The following CFAP54 variants were observed in gnomAD, a reference collection of about 807,000 sequenced individuals.
CFAP54 encodes cilia and flagella associated protein 54.
In CFAP54, 290 loss-of-function variants were observed where a neutral mutation model predicts 370.4. That is an observed-to-expected ratio of 0.78 (90% confidence interval 0.71 to 0.86). The LOEUF is 0.86. Among genes scored for constraint, CFAP54 ranks in the 40% least tolerant of loss-of-function variants. The pLI, the probability that CFAP54 is intolerant of heterozygous loss-of-function variation, is 0.00. For missense variants in CFAP54, 3,399 were observed against 3,528.7 expected (o/e 0.96, Z 0.93); for synonymous variants, 1,206 against 1,236.5 (o/e 0.98, Z 0.52).
chr12:96,678,332 C>T (rs1209219238), intron 39 of CFAP54, among the ~76,000 whole-genome samples: 1 of 152,122 alleles, frequency 6.6e-6, no homozygotes, highest in Non-Finnish European at 1.5e-5. Flanking sequence ...TTCACTGCAA[C>T]CTCCACCTCC....
chr12:96,604,966 G>A (rs1055965298), intron 26 of CFAP54, among the ~76,000 whole-genome samples: 8 of 152,268 alleles, frequency 5.3e-5, no homozygotes, highest in Admixed American at 5.2e-4. Flanking sequence ...GCTTTGGCTG[G>A]CCCTCCATGG....
chr12:96,620,169 A>G (rs1245289690), intron 26 of CFAP54, among the ~76,000 whole-genome samples: 1 of 152,158 alleles, frequency 6.6e-6, no homozygotes, highest in African/African-American at 2.4e-5. Context: ...GCAGCCACTC[A>G]TTATTGTTCA....
rs377405546 is a variant in CFAP54, at chr12:96,726,418, G to C, written c.6965+5853G>C. ...TTTAGTCTTGGGAGAGAGTATGTGT[G>C]GAGGAATTTATCCATTTCTTCTAGA... On this transcript the variant is annotated intron_variant, in intron 50 of 67. Transcript: ENST00000524981. 9.9e-5 allele frequency among the ~76,000 whole-genome samples: 15 copies of C among 152,178 alleles called. No homozygotes were observed. In the East Asian group the frequency reaches 2.9e-3, roughly 29 times the overall value.
At chr12:96,732,675 G>C (rs757400951) in intron 50 of CFAP54, among the ~76,000 whole-genome samples, 1 of 152,148 alleles carries the variant, frequency 6.6e-6, no homozygotes, top group South Asian at 2.1e-4. Context: ...ATTTTTAGAG[G>C]TATAAAGAGG....
In CFAP54 at chr12:96,521,889, T is replaced by C; in HGVS notation, c.975T>C (p.Asp325=). 1 of 1,531,222 alleles carries C rather than the reference T, an allele frequency of 6.5e-7. No homozygotes were observed. The highest frequency in any genetic ancestry group is 1.2e-5 in the South Asian group (1 of 83,766). The allele number at this position is 1,531,222 out of a possible 1,614,324, so 94.9% of individuals were successfully genotyped here. ...CTCGGCGTGCTTTGGCTAAAATTGATGAGTTAAGGCAACTGGAATTAATGA... is the reference window on the plus strand; with the variant it reads ...CTCGGCGTGCTTTGGCTAAAATTGACGAGTTAAGGCAACTGGAATTAATGA... ...AFARRALAKI[D]ELRQLELMSS... Residue 325 remains aspartate (D), a synonymous_variant, in exon 7 of 68, where the codon GAT becomes GAC. Transcript: ENST00000524981.
intron 39 of CFAP54, among the ~76,000 whole-genome samples, chr12:96,664,807 A>ATATATATATATATATATCTATATATATC (rs1957059248): frequency 4.3e-5 from 1 of 23,114 alleles, no homozygotes; most frequent in African/African-American, 2.1e-4. Context: ...ATATATATAT[A>ATATATATATATATATATCTATATATATC]TATATAGATA....
At position 96,580,986 on chromosome 12, in the gene CFAP54, G is replaced by A. The variant is rs1176028239; in HGVS notation, c.2956G>A (p.Ala986Thr). The A allele has an allele frequency of 6.5e-7, 1 of 1,533,790 alleles. No homozygotes were observed. Among genetic ancestry groups the A allele is most frequent in the Admixed American group, 2.0e-5 (1 of 50,810 alleles). Reference sequence around the variant, plus strand: ...AGAAACCAATGAAAAGTATGTATTTGCAGTTGCTGCCTATTCTAACAACGG... The same window carrying A: ...AGAAACCAATGAAAAGTATGTATTTACAGTTGCTGCCTATTCTAACAACGG... ...GLETNEKYVFAVAAYSNNGKL... is the reference protein window; with the variant it reads ...GLETNEKYVFTVAAYSNNGKL... The change falls in exon 22 of 68, where the codon GCA (alanine) becomes ACA (threonine). Residue 986 changes from alanine (A) to threonine (T), a missense_variant. Physicochemically the swap from Ala to Thr is moderately conservative, Grantham distance 58 (BLOSUM62 0). Coordinates refer to ENST00000524981, the MANE Select transcript of CFAP54 (RefSeq NM_001306084.2).
intron 44 of CFAP54, among the ~76,000 whole-genome samples, chr12:96,692,152 T>C (rs17025724): frequency 0.019 from 2,956 of 152,234 alleles, 111 homozygotes; most frequent in African/African-American, 0.067. Flanking sequence ...ATACTGAAAA[T>C]ATTTATTGCC....
At chr12:96,628,753 C>T (rs1398220550) in intron 30 of CFAP54, among the ~76,000 whole-genome samples, 1 of 152,008 alleles carries the variant, frequency 6.6e-6, no homozygotes, top group Non-Finnish European at 1.5e-5. Context: ...AGCGAAGGGA[C>T]CAAGATGGAT....
At chr12:96,640,060 T>C (rs1204594401) in intron 32 of CFAP54, among the ~76,000 whole-genome samples, 1 of 152,112 alleles carries the variant, frequency 6.6e-6, no homozygotes, top group East Asian at 1.9e-4. Flanking sequence ...TTCAACATAG[T>C]GTTGGAAGTT....
intron 39 of CFAP54, among the ~76,000 whole-genome samples, chr12:96,678,881 A>AT (rs1321264801): frequency 6.6e-6 from 1 of 152,078 alleles, no homozygotes; most frequent in Non-Finnish European, 1.5e-5. Flanking sequence ...AAGACCTTAG[A>AT]TTTTACAGGG....
At chr12:96,567,350 A>G (rs1955873765) in intron 19 of CFAP54, among the ~76,000 whole-genome samples, 1 of 152,150 alleles carries the variant, frequency 6.6e-6, no homozygotes, top group African/African-American at 2.4e-5. Context: ...CAAGCTAAGA[A>G]TTTTGGATGG....
chr12:96,823,727 T>C (rs1959057614), intron 65 of CFAP54, among the ~76,000 whole-genome samples: 1 of 152,136 alleles, frequency 6.6e-6, no homozygotes, highest in Non-Finnish European at 1.5e-5. Context: ...AGGAGGAATT[T>C]GATTGATGTT....
chr12:96,825,446 A>C (rs1245747515), intron 65 of CFAP54, among the ~76,000 whole-genome samples: 1 of 116,958 alleles, frequency 8.6e-6, no homozygotes, highest in African/African-American at 3.6e-5. Context: ...AATATATGTT[A>C]TATTATATAT....
chr12:96,576,507 A>G, intron 19 of CFAP54, 78 bp from the exon 20 acceptor site: 1 of 1,069,202 alleles, frequency 9.4e-7, no homozygotes, highest in Non-Finnish European at 1.3e-6. Flanking sequence ...ACATTGTTTA[A>G]CATCACTAGA....
chr12:96,690,200 G>C (rs1957374723), intron 43 of CFAP54, among the ~76,000 whole-genome samples: 1 of 152,160 alleles, frequency 6.6e-6, no homozygotes, highest in Non-Finnish European at 1.5e-5. Context: ...ATAAAAATTA[G>C]CTGGTGGGAT....
chr12:96,873,148 A>G (rs905060316), intron 67 of CFAP54, among the ~76,000 whole-genome samples: 8 of 152,220 alleles, frequency 5.3e-5, no homozygotes, highest in African/African-American at 1.7e-4. Context: ...TGCATGCATC[A>G]TAAACATGGT....
chr12:96,741,426 G>A (rs1398245059), intron 51 of CFAP54, among the ~76,000 whole-genome samples: 2 of 152,146 alleles, frequency 1.3e-5, no homozygotes, highest in African/African-American at 4.8e-5. Flanking sequence ...GCCTCCCAAA[G>A]TGCTGAGATT....
chr12:96,677,441 A>C (rs557661542), intron 39 of CFAP54, among the ~76,000 whole-genome samples: 1 of 152,348 alleles, frequency 6.6e-6, no homozygotes, highest in East Asian at 1.9e-4. Context: ...GATAAAAGCC[A>C]AGCTCATGAA....
Sources: gnomAD v4.1 joint callset for allele counts (sites outside exome capture counted in the v4.1 genomes callset) on GRCh38, gnomAD v4.1.1 for gene constraint, MANE v1.5 for transcripts, NCBI Gene and HGNC (gene_info 2026-07-23, HGNC 2026-07-21) for gene names.